Variants in ATP6V1A observed in about 807,000 individuals in gnomAD.
ATP6V1A encodes the protein ATPase H+ transporting V1 subunit A.
Under a neutral mutation model 70.1 loss-of-function variants are expected in ATP6V1A, and 18 were observed. That is an observed-to-expected ratio of 0.26 (90% CI 0.18 to 0.38). The LOEUF (loss-of-function observed/expected upper bound fraction) is 0.38, where lower values mean the gene tolerates loss of function less well. Among genes scored for constraint, ATP6V1A ranks in the 10% least tolerant of loss-of-function variants. ATP6V1A has a pLI of 1.00. For synonymous variants in ATP6V1A, 232 were observed against 253.8 expected (o/e 0.91, Z 0.82); for missense variants, 424 against 772.4 (o/e 0.55, Z 5.35).
intron 11 of ATP6V1A, among the ~76,000 whole-genome samples, chr3:113,796,299 A>G (rs989515997): frequency 5.3e-5 from 8 of 152,226 alleles, no homozygotes; most frequent in Non-Finnish European, 2.9e-5. Context: ...ACTTCACAGT[A>G]TGATCCAAGG....
intron 14 of ATP6V1A, among the ~76,000 whole-genome samples, chr3:113,807,428 G>T (rs1709288709): frequency 6.6e-6 from 1 of 152,074 alleles, no homozygotes. Flanking sequence ...TGATCTGCCT[G>T]CCTCAGCCTC....
intron 14 of ATP6V1A, 115 bp from the exon 15 acceptor site, chr3:113,809,212 GCCACTGCA>G: frequency 3.1e-6 from 2 of 640,920 alleles, no homozygotes; most frequent in South Asian, 3.8e-5. Flanking sequence ...CCAAGATCGT[GCCACTGCA>G]CTCCAGCCTG....
chr3:113,776,883 C>G (rs1221583697), intron 1 of ATP6V1A, among the ~76,000 whole-genome samples: 2 of 152,214 alleles, frequency 1.3e-5, no homozygotes, highest in African/African-American at 4.8e-5. Flanking sequence ...TTGGCACCCC[C>G]GCTACCCTCT....
chr3:113,784,892 C>T, intron 5 of ATP6V1A, 59 bp downstream of exon 5: 1 of 1,533,812 alleles, frequency 6.5e-7, no homozygotes, highest in Non-Finnish European at 8.9e-7. Context: ...GATAGCTGCC[C>T]AGTTTTAGTG....
intron 14 of ATP6V1A, among the ~76,000 whole-genome samples, chr3:113,807,059 A>G (rs1485646060): frequency 6.6e-6 from 1 of 152,104 alleles, no homozygotes; most frequent in Admixed American, 6.5e-5. Context: ...CTACATTGAG[A>G]GTTTAAAAAC....
At chr3:113,752,382 G>C (rs1708597273) in intron 1 of ATP6V1A, among the ~76,000 whole-genome samples, 1 of 151,680 alleles carries the variant, frequency 6.6e-6, no homozygotes. Context: ...TATGGAAAAA[G>C]TTGTAAGGAA....
chr3:113,792,554 G>A (rs913077160), intron 8 of ATP6V1A, among the ~76,000 whole-genome samples: 1 of 152,032 alleles, frequency 6.6e-6, no homozygotes, highest in African/African-American at 2.4e-5. Flanking sequence ...GCCCAGGATG[G>A]GCAACTTCTA....
chr3:113,805,382 A>T lies in ATP6V1A; in HGVS notation c.1618A>T (p.Met540Leu), dbSNP rs1191962490. 1.9e-6 allele frequency: 3 copies of T among 1,613,962 alleles called. No homozygotes were observed. The highest frequency in any genetic ancestry group is 2.5e-6 in the Non-Finnish European group (3 of 1,180,012). The change falls in exon 14 of 15, where the codon ATG becomes TTG. Residue 540 changes from methionine (M) to leucine (L), a missense_variant. Met to Leu is a conservative substitution (Grantham distance 15). Transcript: ENST00000273398. ...CTGCCCATTCTACAAGACAGTAGGGATGCTGTCCAACATGATTGCATTTTA... is the reference window on the plus strand; with the variant it reads ...CTGCCCATTCTACAAGACAGTAGGGTTGCTGTCCAACATGATTGCATTTTA... ...RFCPFYKTVGMLSNMIAFYDM... is the reference protein window; with the variant it reads ...RFCPFYKTVGLLSNMIAFYDM...
At chr3:113,788,671 A>G (rs573078289) in intron 6 of ATP6V1A, 42 bp from the exon 7 acceptor site, 56 of 1,590,750 alleles carry the variant, frequency 3.5e-5, no homozygotes, top group African/African-American at 8.2e-5. Flanking sequence ...ATTAATATCT[A>G]TTAGCAAGTC....
Position 113,795,502 on chromosome 3 carries a change from G to A in ATP6V1A, c.1226+298G>A, listed in dbSNP as rs557989644. On this transcript the variant is annotated intron_variant, in intron 10 of 14. Transcript: ENST00000273398. ...ATTATAGACATAATAAGGTGAGATTGCATCACGGTAAAAAGAAAGTGAAGA... is the reference window on the plus strand; with the variant it reads ...ATTATAGACATAATAAGGTGAGATTACATCACGGTAAAAAGAAAGTGAAGA... 5.3e-5 allele frequency among the ~76,000 whole-genome samples: 8 copies of A among 151,756 alleles called. No homozygotes were observed. In the South Asian group the frequency reaches 1.7e-3, roughly 31 times the overall value.
intron 1 of ATP6V1A, among the ~76,000 whole-genome samples, chr3:113,748,093 A>C (rs1331326947): frequency 6.6e-6 from 1 of 152,104 alleles, no homozygotes; most frequent in Non-Finnish European, 1.5e-5. Flanking sequence ...CTTTGTGGTA[A>C]ATTTAGGTTA....
intron 1 of ATP6V1A, among the ~76,000 whole-genome samples, chr3:113,776,084 C>G (rs192868072): frequency 6.6e-6 from 1 of 152,054 alleles, no homozygotes; most frequent in East Asian, 1.9e-4. Flanking sequence ...TTCTGCCAGG[C>G]GCGGTGGCTC....
At chr3:113,758,068 T>C (rs536649095) in intron 1 of ATP6V1A, among the ~76,000 whole-genome samples, 1 of 152,050 alleles carries the variant, frequency 6.6e-6, no homozygotes, top group African/African-American at 2.4e-5. Flanking sequence ...CACTTGAACC[T>C]AGGAGGCAGA....
intron 8 of ATP6V1A, among the ~76,000 whole-genome samples, chr3:113,794,041 A>G (rs1709127508): frequency 6.6e-6 from 1 of 152,182 alleles, no homozygotes; most frequent in African/African-American, 2.4e-5. Flanking sequence ...CACACTGGGA[A>G]ATCAAGTTAT....
At chr3:113,772,727 CAA>C (rs570501520) in intron 1 of ATP6V1A, among the ~76,000 whole-genome samples, 21 of 112,852 alleles carry the variant, frequency 1.9e-4, no homozygotes, top group Admixed American at 4.0e-4. Context: ...GACTCCATCT[CAA>C]AAAAAAAAAA....
intron 7 of ATP6V1A, 45 bp downstream of exon 7, chr3:113,788,920 A>G (rs768267678): frequency 6.5e-7 from 1 of 1,533,172 alleles, no homozygotes; most frequent in Non-Finnish European, 9.0e-7. Context: ...AATACCACTC[A>G]TCAGTGTTCA....
intron 1 of ATP6V1A, among the ~76,000 whole-genome samples, chr3:113,749,410 T>C (rs141768882): frequency 6.6e-6 from 1 of 152,296 alleles, no homozygotes; most frequent in Non-Finnish European, 1.5e-5. Context: ...TAGTCCACTA[T>C]TAAATAAAGC....
chr3:113,768,656 C>T (rs1008414272), intron 1 of ATP6V1A, among the ~76,000 whole-genome samples: 1 of 143,864 alleles, frequency 7.0e-6, no homozygotes, highest in East Asian at 2.0e-4. Flanking sequence ...AGTGCAGTGG[C>T]GCAATCTCGG....
chr3:113,765,213 A>G (rs1708754210), intron 1 of ATP6V1A, among the ~76,000 whole-genome samples: 1 of 152,062 alleles, frequency 6.6e-6, no homozygotes, highest in Admixed American at 6.5e-5. Flanking sequence ...TTGTAGTCAC[A>G]TTGATGTTTT....
Sources: allele counts gnomAD v4.1 joint callset (sites outside exome capture counted in the v4.1 genomes callset), GRCh38; gene constraint gnomAD v4.1.1; transcripts MANE v1.5; gene names NCBI Gene and HGNC (gene_info 2026-07-23, HGNC 2026-07-21).